The following SHTN1 variants were observed in gnomAD, a reference collection of about 807,000 sequenced individuals.
The protein encoded by SHTN1 is shootin-1.
SHTN1 carries 42 observed loss-of-function variants against 83.1 expected under a neutral mutation model. The ratio of observed to expected loss-of-function variants is 0.51; its 90% CI spans 0.39 to 0.65. The LOEUF (loss-of-function observed/expected upper bound fraction) is 0.65. Ranked by LOEUF, SHTN1 falls within the 30% of genes least tolerant of loss-of-function variation. SHTN1 has a pLI of 0.00. For missense variants in SHTN1, 622 were observed against 737.8 expected, an observed-to-expected ratio of 0.84 and a Z score of 1.82; for synonymous variants, 224 against 247.7, an observed-to-expected ratio of 0.90 and a Z score of 0.90.
chr10:117,034,169 G>A (rs1001323189), intron 2 of SHTN1, among the ~76,000 whole-genome samples: 4 of 152,120 alleles, frequency 2.6e-5, no homozygotes, highest in African/African-American at 4.8e-5. Context: ...ACATAGTACT[G>A]AAAGTCCTAG....
In SHTN1 at chr10:116,927,884, T is replaced by C; in HGVS notation, c.1020A>G (p.Glu340=). The C allele has an allele frequency of 6.2e-7, 1 of 1,612,254 alleles. No individual in the cohort carries two copies. ...KARNLKHSVD[E]LQKRVNQSEN... ...CAGACTGGTTCACTCGTTTCTGGAG[T>C]TCATCAACTGCACAGAGAGCAAACA... The change falls in exon 11 of 17, where the codon GAA becomes GAG. Residue 340 remains glutamate, a synonymous_variant. Coordinates refer to ENST00000355371, the MANE Select transcript of SHTN1 (RefSeq NM_001127211.3).
chr10:116,892,135 G>A (rs1283187913), intron 16 of SHTN1, among the ~76,000 whole-genome samples: 1 of 152,182 alleles, frequency 6.6e-6, no homozygotes, highest in African/African-American at 2.4e-5. Flanking sequence ...TTAGCTGAGT[G>A]ACTGCAGCAC....
chr10:116,899,565 A>G (rs765107549), intron 16 of SHTN1, among the ~76,000 whole-genome samples: 1 of 146,476 alleles, frequency 6.8e-6, no homozygotes, highest in African/African-American at 2.7e-5. Flanking sequence ...GCATGCATAC[A>G]TATGTTGGGA....
chr10:117,004,316 A>G (rs985266702), intron 1 of SHTN1, among the ~76,000 whole-genome samples: 1 of 151,826 alleles, frequency 6.6e-6, no homozygotes, highest in African/African-American at 2.4e-5. Context: ...GTAACTGATG[A>G]AAAAAATGAT....
chr10:116,954,649 T>C (rs548907393), intron 4 of SHTN1, among the ~76,000 whole-genome samples: 13 of 152,296 alleles, frequency 8.5e-5, no homozygotes, highest in Middle Eastern at 3.4e-3. Flanking sequence ...ATGATTTCAA[T>C]GGGAGTGCCA....
chr10:117,057,718 CA>C (rs1852844951), intron 1 of SHTN1, among the ~76,000 whole-genome samples: 1 of 152,160 alleles, frequency 6.6e-6, no homozygotes, highest in Non-Finnish European at 1.5e-5. Flanking sequence ...ATCCCCGGCA[CA>C]GACACAGCCT....
chr10:117,014,099 A>G (rs1852145809), intron 2 of SHTN1, among the ~76,000 whole-genome samples: 1 of 152,182 alleles, frequency 6.6e-6, no homozygotes, highest in Non-Finnish European at 1.5e-5. Context: ...AGGCAAAACT[A>G]TAAAAATAAG....
At chr10:116,967,653 G>A (rs889529521) in intron 3 of SHTN1, among the ~76,000 whole-genome samples, 1 of 152,102 alleles carries the variant, frequency 6.6e-6, no homozygotes, top group African/African-American at 2.4e-5. Context: ...TAAATTTTAA[G>A]TATACAACAC....
intron 11 of SHTN1, 39 bp downstream of exon 11, chr10:116,927,753 G>A (rs1267139642): frequency 6.8e-7 from 1 of 1,471,280 alleles, no homozygotes; most frequent in Admixed American, 2.4e-5. Flanking sequence ...TGATGGAGAA[G>A]AACATTTGAT....
At chr10:116,979,980 A>G (rs1233076862) in intron 1 of SHTN1, among the ~76,000 whole-genome samples, 1 of 151,414 alleles carries the variant, frequency 6.6e-6, no homozygotes, top group African/African-American at 2.4e-5. Context: ...ATTTCACTAA[A>G]TGGGGAAGAT....
At chr10:116,906,411 T>C (rs769704732) in intron 15 of SHTN1, among the ~76,000 whole-genome samples, 2 of 152,242 alleles carry the variant, frequency 1.3e-5, no homozygotes, top group Non-Finnish European at 2.9e-5. Flanking sequence ...AAATGCCTGG[T>C]TACCTACAAA....
At chr10:117,101,311 G>A (rs977757669) in intron 1 of SHTN1, among the ~76,000 whole-genome samples, 4 of 152,068 alleles carry the variant, frequency 2.6e-5, no homozygotes, top group African/African-American at 9.7e-5. Flanking sequence ...GCAGCTACAT[G>A]GACCAATAAT....
At chr10:116,995,203 T>C (rs1851584887) in intron 1 of SHTN1, among the ~76,000 whole-genome samples, 1 of 152,180 alleles carries the variant, frequency 6.6e-6, no homozygotes. Flanking sequence ...CAAGCAATTA[T>C]AATCCTAAAG....
rs151083394 is a variant in SHTN1, at chr10:116,894,291, T to G, written c.1673+7474A>C. Among the ~76,000 whole-genome samples the G allele has an allele frequency of 2.0e-3, 304 of 152,300 alleles. 4 individuals are homozygous for G. Among genetic ancestry groups the G allele is most frequent in the African/African-American group, 6.8e-3 (284 of 41,554 alleles). ...AAATGCAAATTAAAATAAAAATGGT[T>G]TCACTGGAAATGAACATTTTCTATT... On this transcript the variant is annotated intron_variant, in intron 16 of 16. Transcript: ENST00000355371.
chr10:116,897,278 T>C lies in SHTN1; in HGVS notation c.1673+4487A>G, dbSNP rs1485695896. ...GGATGTATTTTAAAAATTAATTATT[T>C]TACATTTCTGGGTTTGTGTTTTTCT... On this transcript the variant is annotated intron_variant, in intron 16 of 16. Coordinates refer to ENST00000355371, the MANE Select transcript of SHTN1 (RefSeq NM_001127211.3). Among the ~76,000 whole-genome samples, 4 of 152,212 alleles carry C rather than the reference T, an allele frequency of 2.6e-5. 1 individual carries two copies. The highest frequency in any genetic ancestry group is 9.6e-5 in the African/African-American group (4 of 41,452).
intron 8 of SHTN1, among the ~76,000 whole-genome samples, chr10:116,944,153 T>C (rs187855414): frequency 6.6e-6 from 1 of 152,344 alleles, no homozygotes; most frequent in East Asian, 1.9e-4. Flanking sequence ...AATACTGTTA[T>C]CTGAGATGGT....
chr10:117,124,114 G>T (rs1853971272), intron 1 of SHTN1, among the ~76,000 whole-genome samples: 1 of 151,476 alleles, frequency 6.6e-6, no homozygotes, highest in Non-Finnish European at 1.5e-5. Context: ...AGGAGGCTGA[G>T]GTGGGAGGGT....
chr10:117,096,782 T>C (rs1402896863), intron 1 of SHTN1, among the ~76,000 whole-genome samples: 1 of 152,294 alleles, frequency 6.6e-6, no homozygotes, highest in East Asian at 1.9e-4. Flanking sequence ...TTGGTTCTAA[T>C]CCTCTCCTAG....
chr10:116,907,375 C>T (rs542893612), intron 14 of SHTN1, among the ~76,000 whole-genome samples: 81 of 152,282 alleles, frequency 5.3e-4, no homozygotes, highest in Non-Finnish European at 9.8e-4. Flanking sequence ...CTCCACATTC[C>T]TAACACAGGA....
Sources: gnomAD v4.1 joint callset for allele counts (sites outside exome capture counted in the v4.1 genomes callset) on GRCh38, gnomAD v4.1.1 for gene constraint, MANE v1.5 for transcripts, NCBI Gene and HGNC (gene_info 2026-07-23, HGNC 2026-07-21) for gene names.